The following IL1RL2 variants were observed in gnomAD, a reference collection of about 807,000 sequenced individuals.
IL1RL2 encodes the protein interleukin-1 receptor-like 2.
IL1RL2 carries 68 observed loss-of-function variants against 66.8 expected under a neutral mutation model. The observed-to-expected ratio is 1.02, with a 90% CI of 0.84 to 1.25. The LOEUF (loss-of-function observed/expected upper bound fraction) is 1.25. Ranked by LOEUF, IL1RL2 falls within the 50% of genes most tolerant of loss-of-function variation. The pLI is 0.00. For synonymous variants in IL1RL2, 305 were observed against 264.6 expected (o/e 1.15, Z -1.48); for missense variants, 729 against 709.3 (o/e 1.03, Z -0.32).
chr2:102,189,684 C>T (rs1315031400), intron 3 of IL1RL2, among the ~76,000 whole-genome samples: 1 of 152,154 alleles, frequency 6.6e-6, no homozygotes, highest in Non-Finnish European at 1.5e-5. Context: ...TGGCGGCGAT[C>T]TCGGCTCACT....
intron 5 of IL1RL2, among the ~76,000 whole-genome samples, chr2:102,205,175 T>C (rs1465128074): frequency 6.6e-6 from 1 of 152,196 alleles, no homozygotes; most frequent in East Asian, 1.9e-4. Flanking sequence ...CCCCTGCTTT[T>C]TAACTTTTTG....
intron 5 of IL1RL2, among the ~76,000 whole-genome samples, chr2:102,210,567 G>A (rs1689085748): frequency 6.6e-6 from 1 of 152,188 alleles, no homozygotes; most frequent in Non-Finnish European, 1.5e-5. Context: ...GGAGAGATAT[G>A]GATGGGTTCA....
intron 4 of IL1RL2, among the ~76,000 whole-genome samples, chr2:102,199,139 T>C (rs975207075): frequency 1.3e-5 from 2 of 152,370 alleles, no homozygotes; most frequent in East Asian, 1.9e-4. Flanking sequence ...TTTTGTTTTT[T>C]ACTTGCTATC....
chr2:102,195,619 TTCTTTCTTTCTCTCTCTCTCTCTCTCTC>T (rs1687663403), intron 4 of IL1RL2, among the ~76,000 whole-genome samples: 4 of 14,234 alleles, frequency 2.8e-4, no homozygotes, highest in African/African-American at 6.9e-4. Context: ...CTTTCTTTCT[TTCTTTCTTTCTCTCTCTCTCTCTCTCTC>T]TTTCTTTCTT....
At chr2:102,187,212 C>A in intron 1 of IL1RL2, 126 bp downstream of exon 1, 2 of 1,214,146 alleles carry the variant, frequency 1.6e-6, no homozygotes, top group Non-Finnish European at 2.1e-6. Context: ...GCCCCCCAGG[C>A]CGGCCCCCGA....
At chr2:102,209,959 C>G (rs879372171) in intron 5 of IL1RL2, among the ~76,000 whole-genome samples, 4 of 152,242 alleles carry the variant, frequency 2.6e-5, no homozygotes, top group African/African-American at 4.8e-5. Flanking sequence ...CCCCACTGCT[C>G]TGATGAAGCT....
chr2:102,200,818 GTCT>G (rs1209468955), intron 4 of IL1RL2, among the ~76,000 whole-genome samples: 1 of 152,088 alleles, frequency 6.6e-6, no homozygotes, highest in Admixed American at 6.6e-5. Flanking sequence ...AGACTCACTG[GTCT>G]TCTGGTTGGT....
At chr2:102,219,844 G>A in intron 7 of IL1RL2, 37 bp from the exon 8 acceptor site, 1 of 1,560,070 alleles carries the variant, frequency 6.4e-7, no homozygotes, top group Non-Finnish European at 8.8e-7. Context: ...GGGTAAATCT[G>A]ACTCATGTAT....
At chr2:102,241,307 C>T (rs558603515), downstream of IL1RL2, among the ~76,000 whole-genome samples, 1 of 152,146 alleles carries the variant, frequency 6.6e-6, no homozygotes, top group Non-Finnish European at 1.5e-5. Context: ...ACTATGTGCT[C>T]GCAAGAGGGG....
intron 1 of IL1RL2, 128 bp downstream of exon 1, chr2:102,187,214 G>A (rs1686757011): frequency 4.1e-6 from 5 of 1,211,770 alleles, no homozygotes; most frequent in Admixed American, 5.4e-5. Flanking sequence ...CCCCCAGGCC[G>A]GCCCCCGACC....
chr2:102,211,898 G>A (rs1689199298), intron 5 of IL1RL2, among the ~76,000 whole-genome samples: 1 of 151,294 alleles, frequency 6.6e-6, no homozygotes, highest in Non-Finnish European at 1.5e-5. Context: ...GAACTCTCTT[G>A]ATAGCTCAGC....
intron 6 of IL1RL2, among the ~76,000 whole-genome samples, chr2:102,215,010 T>C (rs1440372015): frequency 6.9e-6 from 1 of 144,550 alleles, no homozygotes; most frequent in East Asian, 1.9e-4. Flanking sequence ...TCTCTGTCAC[T>C]CTGTTTCCCC....
At chr2:102,196,014 C>T (rs971716337) in intron 4 of IL1RL2, among the ~76,000 whole-genome samples, 1 of 151,998 alleles carries the variant, frequency 6.6e-6, no homozygotes, top group Admixed American at 6.6e-5. Context: ...GCATCGGGCC[C>T]TTATGCTTGT....
At chr2:102,235,817 G>A in intron 11 of IL1RL2, 3 of 985,434 alleles carry the variant, frequency 3.0e-6, no homozygotes, top group Non-Finnish European at 3.6e-6. Flanking sequence ...CAGACAAAGA[G>A]CTGCAAACAC....
rs1290192471 is a variant in IL1RL2 at position 102,191,919 on chromosome 2, T to C, written c.294-6T>C. ...AGAGTTTATGAGGTCTCAATCTGTC[T>C]TACAGGGGTAGAGACAGCTGTCATA... On this transcript the variant is annotated splice_region_variant and splice_polypyrimidine_tract_variant and intron_variant, in intron 3 of 11. Coordinates refer to ENST00000264257, the MANE Select transcript of IL1RL2 (RefSeq NM_003854.4). 6.3e-7 allele frequency: 1 copy of C among 1,589,358 alleles called. No individual in the cohort carries two copies. The highest frequency in any genetic ancestry group is 1.7e-4 in the Middle Eastern group (1 of 5,866).
intron 4 of IL1RL2, among the ~76,000 whole-genome samples, chr2:102,196,541 G>A (rs531811279): frequency 6.6e-6 from 1 of 152,300 alleles, no homozygotes; most frequent in South Asian, 2.1e-4. Flanking sequence ...TGTCTTCAAA[G>A]AAGTTACAAT....
Position 102,225,403 on chromosome 2 carries a change from C to G in IL1RL2, c.992-495C>G, listed in dbSNP as rs34161872. On this transcript the variant is annotated intron_variant, in intron 8 of 11. Transcript: ENST00000264257. ...CCATGCTGGCTTCCAGAGGGGACAA[C>G]TGTTGGCTCTTTAAGGATGATGGGA... is the stretch of plus-strand genomic sequence containing the variant. 8.0e-3 allele frequency among the ~76,000 whole-genome samples: 1,223 copies of G among 152,350 alleles called. 14 individuals are homozygous for G. The highest frequency in any genetic ancestry group is 0.027 in the African/African-American group (1,134 of 41,576).
At chr2:102,203,709 C>T (rs1688463079) in intron 5 of IL1RL2, among the ~76,000 whole-genome samples, 1 of 152,008 alleles carries the variant, frequency 6.6e-6, no homozygotes, top group Admixed American at 6.6e-5. Context: ...CATACAGTTG[C>T]TCATAGTAGC....
chr2:102,234,908 G>T lies in IL1RL2; in HGVS notation c.1309G>T (p.Val437Phe). 6.2e-7 allele frequency: 1 copy of T among 1,611,652 alleles called. No individual in the cohort carries two copies. The highest frequency in any genetic ancestry group is 8.5e-7 in the Non-Finnish European group (1 of 1,177,886). ...TTCTTTATTTCCAGCCGTGGCCAAT[G>T]TCATCGATGAAAACGTTAAGCTGTG... is the stretch of plus-strand genomic sequence containing the variant. ...DEFPGQAVAN[V>F]IDENVKLCRR... Residue 437 changes from valine to phenylalanine, a missense_variant, in exon 11 of 12, where the codon GTC becomes TTC. Transcript: ENST00000264257.
Sources: allele counts gnomAD v4.1 joint callset (sites outside exome capture counted in the v4.1 genomes callset), GRCh38; gene constraint gnomAD v4.1.1; transcripts MANE v1.5; gene names NCBI Gene and HGNC (gene_info 2026-07-23, HGNC 2026-07-21).